The following FLRT2 variants were observed in gnomAD, a reference collection of about 807,000 sequenced individuals.
The protein encoded by FLRT2 is leucine-rich repeat transmembrane protein FLRT2.
In FLRT2, 15 loss-of-function variants were observed where a neutral mutation model predicts 40.0. The ratio of observed to expected loss-of-function variants is 0.38; its 90% CI spans 0.25 to 0.58. The LOEUF (loss-of-function observed/expected upper bound fraction) is 0.58. Among genes scored for constraint, FLRT2 ranks in the 20% least tolerant of loss-of-function variants. The pLI is 0.71. For missense variants in FLRT2, 726 were observed against 840.0 expected, an observed-to-expected ratio of 0.86 and a Z score of 1.68; for synonymous variants, 380 against 336.8, an observed-to-expected ratio of 1.13 and a Z score of -1.41.
chr14:85,602,843 A>T lies in FLRT2; in HGVS notation c.-376-18296A>T, dbSNP rs139334743. Among the ~76,000 whole-genome samples, 33 of 152,296 alleles carry T rather than the reference A, an allele frequency of 2.2e-4. 1 individual carries two copies. Among genetic ancestry groups the T allele is most frequent in the Non-Finnish European group, 2.5e-4 (17 of 68,026 alleles). On this transcript the variant is annotated intron_variant, in intron 1 of 1. Transcript: ENST00000330753. ...ATAAACCATTTGGAAGAGGTATTACATAGAAATCTACTATAACCCCAGAAT... is the reference window on the plus strand; with the variant it reads ...ATAAACCATTTGGAAGAGGTATTACTTAGAAATCTACTATAACCCCAGAAT...
Position 85,623,493 on chromosome 14 carries a change from C to G in FLRT2, c.1979C>G (p.Thr660Arg), listed in dbSNP as rs1893526738. 1 of 1,428,496 alleles carries G rather than the reference C, an allele frequency of 7.0e-7. No individual in the cohort carries two copies. The highest frequency in any genetic ancestry group is 9.2e-7 in the Non-Finnish European group (1 of 1,089,378). The allele number at this position is 1,428,496 out of a possible 1,614,324, so 88.5% of individuals were successfully genotyped here. A position where few individuals can be genotyped will look rare whatever the true frequency, so the allele number is the denominator to read the frequency against. Residue 660 changes from threonine to arginine, a missense_variant, in exon 2 of 2, where the codon ACG (threonine) becomes AGG (arginine). Coordinates refer to ENST00000330753, the MANE Select transcript of FLRT2 (RefSeq NM_013231.6). ...GTGCCAGACCTGGAGCACTGCCATA[C>G]GTGACAGCCAGAGGCCCAGCGTTAT... ...SSVPDLEHCHT is the reference protein window; with the variant it reads ...SSVPDLEHCHR
At chr14:85,603,968 T>C (rs1265417078) in intron 1 of FLRT2, among the ~76,000 whole-genome samples, 1 of 152,126 alleles carries the variant, frequency 6.6e-6, no homozygotes, top group Non-Finnish European at 1.5e-5. Flanking sequence ...AGAGTGCCAT[T>C]TTTACTGTGT....
Position 85,640,967 on chromosome 14 carries a change from A to G in FLRT2, c.*17470A>G, listed in dbSNP as rs962240275. 1.3e-5 allele frequency: 2 copies of G among 152,158 alleles called. No individual in the cohort carries two copies. Among genetic ancestry groups the G allele is most frequent in the African/African-American group, 4.8e-5 (2 of 41,440 alleles). The allele number at this position is 152,158 out of a possible 1,614,324, so 9.4% of individuals were successfully genotyped here. A position where few individuals can be genotyped will look rare whatever the true frequency, so the allele number is the denominator to read the frequency against. On this transcript the variant is annotated 3_prime_UTR_variant, in exon 2 of 2. Transcript: ENST00000330753. ...GCAAGTTGCTTAAACTGTAGCCATA[A>G]TTTCCTCATAGATTTGGTATGAGTT...
At chr14:85,604,428 T>C (rs1444956795) in intron 1 of FLRT2, among the ~76,000 whole-genome samples, 42 of 152,190 alleles carry the variant, frequency 2.8e-4, no homozygotes, top group Admixed American at 2.7e-3. Context: ...ACTCGAATCA[T>C]ATCTTTGACT....
In FLRT2 at chr14:85,649,668, T is replaced by A. The variant is rs1391724170; in HGVS notation, c.*26171T>A. 6.6e-6 allele frequency: 1 copy of A among 152,116 alleles called. No homozygotes were observed. The highest frequency in any genetic ancestry group is 1.5e-5 in the Non-Finnish European group (1 of 67,986). The allele number at this position is 152,116 out of a possible 1,614,324, so 9.4% of individuals were successfully genotyped here. A position where few individuals can be genotyped will look rare whatever the true frequency, so the allele number is the denominator to read the frequency against. On this transcript the variant is annotated 3_prime_UTR_variant, in exon 2 of 2. Transcript: ENST00000330753. ...ATAAATTCTTTCATACTGGAATTTG[T>A]GATACTATCCACACTTTTCCTCACT...
chr14:85,557,133 A>G (rs1386865476), intron 1 of FLRT2, among the ~76,000 whole-genome samples: 1 of 152,220 alleles, frequency 6.6e-6, no homozygotes, highest in Non-Finnish European at 1.5e-5. Flanking sequence ...AATATGATTC[A>G]AGATGAGATT....
At chr14:85,555,057 T>G (rs1366231499) in intron 1 of FLRT2, among the ~76,000 whole-genome samples, 1 of 152,156 alleles carries the variant, frequency 6.6e-6, no homozygotes, top group Non-Finnish European at 1.5e-5. Flanking sequence ...AAGTTAGAAA[T>G]TTGATTGTAC....
chr14:85,563,976 CCCTAGTGTGAAAGGGCCCCTA>C (rs2139849647), intron 1 of FLRT2, among the ~76,000 whole-genome samples: 1 of 152,216 alleles, frequency 6.6e-6, no homozygotes, highest in East Asian at 1.9e-4. Flanking sequence ...CATGTAGAAG[CCCTAGTGTGAAAGGGCCCCTA>C]CATTTGACAC....
chr14:85,549,470 C>T (rs918386951), intron 1 of FLRT2, among the ~76,000 whole-genome samples: 18 of 152,096 alleles, frequency 1.2e-4, no homozygotes, highest in East Asian at 5.8e-4. Flanking sequence ...AACCCCTTCA[C>T]GAGTCTTGCA....
At position 85,588,976 on chromosome 14, in the gene FLRT2, G is replaced by A. The variant is rs149308248; in HGVS notation, c.-376-32163G>A. ...TCATTCTTTTTTGTGGCTGAATAGT[G>A]CTCCATTTTCTTTATTCATTCATCT... On this transcript the variant is annotated intron_variant, in intron 1 of 1. Coordinates refer to ENST00000330753, the MANE Select transcript of FLRT2 (RefSeq NM_013231.6). 1.6e-3 allele frequency among the ~76,000 whole-genome samples: 251 copies of A among 152,194 alleles called. 2 individuals carry two copies. The highest frequency in any genetic ancestry group is 5.8e-3 in the African/African-American group (239 of 41,534).
At position 85,629,701 on chromosome 14, in the gene FLRT2, A is replaced by G. The variant is rs78697049; in HGVS notation, c.*6204A>G. The G allele has an allele frequency of 1.3e-5, 2 of 152,134 alleles. No individual in the cohort carries two copies. Among genetic ancestry groups the G allele is most frequent in the African/African-American group, 4.8e-5 (2 of 41,444 alleles). The allele number at this position is 152,134 out of a possible 1,614,324, so 9.4% of individuals were successfully genotyped here. ...TAATTGTTTTCCTGCCTCTTAATAAATTGACCATCCTTGAGACTGACTAGC... is the reference window on the plus strand; with the variant it reads ...TAATTGTTTTCCTGCCTCTTAATAAGTTGACCATCCTTGAGACTGACTAGC... On this transcript the variant is annotated 3_prime_UTR_variant, in exon 2 of 2. Coordinates refer to ENST00000330753, the MANE Select transcript of FLRT2 (RefSeq NM_013231.6).
In FLRT2 at chr14:85,621,487, C is replaced by T. The variant is rs1272721381; in HGVS notation, c.-28C>T. 4 of 1,545,620 alleles carry T rather than the reference C, an allele frequency of 2.6e-6. No homozygotes were observed. Among genetic ancestry groups the T allele is most frequent in the Non-Finnish European group, 3.5e-6 (4 of 1,147,108 alleles). The stretch of plus-strand genomic sequence containing the variant: ...TTTTTTCTTTTTCTTTTTCCCACCA[C>T]ATTGTATTTTATTTCCGTACTTCAG... On this transcript the variant is annotated 5_prime_UTR_variant, in exon 2 of 2. Transcript: ENST00000330753.
intron 1 of FLRT2, among the ~76,000 whole-genome samples, chr14:85,616,735 T>A (rs1347495547): frequency 6.6e-6 from 1 of 152,160 alleles, no homozygotes; most frequent in Non-Finnish European, 1.5e-5. Context: ...TGCTCTAGGG[T>A]TAAGAACTCT....
intron 1 of FLRT2, among the ~76,000 whole-genome samples, chr14:85,532,916 G>C (rs1249557206): frequency 8.5e-5 from 13 of 152,136 alleles, no homozygotes; most frequent in Non-Finnish European, 1.8e-4. Flanking sequence ...CTCCTTTCAG[G>C]GTTCAGATGG....
Position 85,647,216 on chromosome 14 carries a change from TTCTA to T in FLRT2, c.*23725_*23728del, listed in dbSNP as rs1250332118. ...TGTTAGGCATATTTTGGTCTTTCCT[TTCTA>T]TCTATGTTTAGTATGCACAAGACAT... is the stretch of plus-strand genomic sequence containing the variant. On this transcript the variant is annotated 3_prime_UTR_variant, in exon 2 of 2. Transcript: ENST00000330753. 6.6e-5 allele frequency: 10 copies of T among 152,290 alleles called. No homozygotes were observed. Among genetic ancestry groups the T allele is most frequent in the South Asian group, 2.1e-4 (1 of 4,830 alleles). 9.4% of individuals were successfully genotyped at this position (152,290 alleles called of 1,614,324 possible).
At chr14:85,605,508 C>T (rs1165729019) in intron 1 of FLRT2, among the ~76,000 whole-genome samples, 4 of 152,186 alleles carry the variant, frequency 2.6e-5, no homozygotes, top group African/African-American at 7.2e-5. Flanking sequence ...CGGTGGCTCA[C>T]GCCTGTAATC....
rs1349507898 is a variant in FLRT2 at position 85,641,391 on chromosome 14, G to A, written c.*17894G>A. 1.3e-5 allele frequency: 2 copies of A among 152,338 alleles called. No individual in the cohort carries two copies. Among genetic ancestry groups the A allele is most frequent in the Non-Finnish European group, 2.9e-5 (2 of 68,032 alleles). The allele number at this position is 152,338 out of a possible 1,614,324, so 9.4% of individuals were successfully genotyped here. On this transcript the variant is annotated 3_prime_UTR_variant, in exon 2 of 2. Transcript: ENST00000330753. ...GCAGGATTTTCAAGGTAGAAGTGAA[G>A]TGGAAACTCTCTTCTTACTAATGTC...
rs1388404405 is a variant in FLRT2 at position 85,648,247 on chromosome 14, A to T, written c.*24750A>T. The T allele has an allele frequency of 6.6e-6, 1 of 152,128 alleles. No individual in the cohort carries two copies. Among genetic ancestry groups the T allele is most frequent in the Non-Finnish European group, 1.5e-5 (1 of 68,028 alleles). 9.4% of individuals were successfully genotyped at this position (152,128 alleles called of 1,614,324 possible). The stretch of plus-strand genomic sequence containing the variant: ...TTTTTCAAGTCTAAGTTCTAGGTAC[A>T]AAGTGTACACTGTACTGGATTTAGT... On this transcript the variant is annotated 3_prime_UTR_variant, in exon 2 of 2. Coordinates refer to ENST00000330753, the MANE Select transcript of FLRT2 (RefSeq NM_013231.6).
intron 1 of FLRT2, among the ~76,000 whole-genome samples, chr14:85,545,576 G>A (rs1006491228): frequency 2.0e-5 from 3 of 152,136 alleles, no homozygotes; most frequent in Non-Finnish European, 2.9e-5. Flanking sequence ...TTGTCTTTTC[G>A]AGTAGACAAC....
Sources: gnomAD v4.1 joint callset for allele counts (sites outside exome capture counted in the v4.1 genomes callset) on GRCh38, gnomAD v4.1.1 for gene constraint, MANE v1.5 for transcripts, NCBI Gene and HGNC (gene_info 2026-07-23, HGNC 2026-07-21) for gene names.